SCMH1: variants seen among roughly 807,000 people sequenced by gnomAD.
SCMH1 encodes the protein Scm polycomb group protein homolog 1.
In SCMH1, 37 loss-of-function variants were observed where a neutral mutation model predicts 70.8. That is an observed-to-expected ratio of 0.52 (90% confidence interval 0.40 to 0.69). The LOEUF (loss-of-function observed/expected upper bound fraction) is 0.69. Ranked by LOEUF, SCMH1 falls within the 30% of genes least tolerant of loss-of-function variation. SCMH1 has a pLI of 0.00. For synonymous variants in SCMH1, 292 were observed against 307.4 expected (o/e 0.95, Z 0.52); for missense variants, 607 against 827.3 (o/e 0.73, Z 3.27).
At chr1:41,036,953 C>T (rs1218478924) in intron 13 of SCMH1, among the ~76,000 whole-genome samples, 1 of 152,030 alleles carries the variant, frequency 6.6e-6, no homozygotes, top group Non-Finnish European at 1.5e-5. Context: ...TTCATATTAC[C>T]CAAAGCATAT....
chr1:41,202,969 T>C (rs576017676), intron 1 of SCMH1, among the ~76,000 whole-genome samples: 12 of 151,422 alleles, frequency 7.9e-5, no homozygotes, highest in Admixed American at 2.0e-4. Context: ...ACTAGAAAAA[T>C]ATAAAATTAC....
intron 12 of SCMH1, among the ~76,000 whole-genome samples, chr1:41,038,751 T>C (rs1020037787): frequency 3.3e-5 from 5 of 152,166 alleles, no homozygotes; most frequent in Non-Finnish European, 7.4e-5. Flanking sequence ...CCCACCTCCT[T>C]CTGCAGATGA....
At chr1:41,053,271 C>G (rs1053278154) in intron 10 of SCMH1, among the ~76,000 whole-genome samples, 1 of 151,900 alleles carries the variant, frequency 6.6e-6, no homozygotes, top group Admixed American at 6.6e-5. Context: ...TATAACTAGT[C>G]TGGTGATGAT....
intron 13 of SCMH1, among the ~76,000 whole-genome samples, chr1:41,034,607 A>G (rs2148545384): frequency 6.6e-6 from 1 of 152,234 alleles, no homozygotes; most frequent in South Asian, 2.1e-4. Flanking sequence ...GATTACAGGC[A>G]TAAGCCACCG....
intron 8 of SCMH1, among the ~76,000 whole-genome samples, chr1:41,077,062 T>C (rs751982235): frequency 3.4e-4 from 51 of 152,124 alleles, no homozygotes; most frequent in South Asian, 1.0e-3. Context: ...AGGTAGGAAG[T>C]GATAGTTGTG....
intron 6 of SCMH1, among the ~76,000 whole-genome samples, chr1:41,134,879 T>C (rs1469325534): frequency 6.6e-6 from 1 of 152,220 alleles, no homozygotes; most frequent in Non-Finnish European, 1.5e-5. Context: ...GTTAAGTATA[T>C]AGTACCCATT....
intron 6 of SCMH1, among the ~76,000 whole-genome samples, chr1:41,136,119 T>C (rs1319026504): frequency 6.6e-6 from 1 of 151,518 alleles, no homozygotes; most frequent in African/African-American, 2.4e-5. Flanking sequence ...AATTTTGTTA[T>C]TTTTTTTGCA....
chr1:41,153,548 C>T (rs1442603067), intron 4 of SCMH1, among the ~76,000 whole-genome samples: 3 of 152,116 alleles, frequency 2.0e-5, no homozygotes, highest in Non-Finnish European at 4.4e-5. Flanking sequence ...TTATACATAT[C>T]AACCATGGTA....
intron 1 of SCMH1, among the ~76,000 whole-genome samples, chr1:41,216,403 G>A (rs147573387): frequency 2.0e-5 from 3 of 152,152 alleles, no homozygotes; most frequent in African/African-American, 7.2e-5. Context: ...ATCAATTATG[G>A]GTCAGCTGCC....
intron 10 of SCMH1, among the ~76,000 whole-genome samples, chr1:41,050,505 A>G (rs996411556): frequency 8.5e-5 from 13 of 152,266 alleles, no homozygotes; most frequent in Admixed American, 1.3e-4. Context: ...TTCTAAGGAG[A>G]ACCAACATGG....
chr1:41,106,933 C>A (rs955133009), intron 8 of SCMH1, among the ~76,000 whole-genome samples: 1 of 151,902 alleles, frequency 6.6e-6, no homozygotes, highest in Non-Finnish European at 1.5e-5. Flanking sequence ...TGTGATCCAC[C>A]CGCCTCTGCC....
At chr1:41,120,624 C>T (rs914168423) in intron 6 of SCMH1, among the ~76,000 whole-genome samples, 6 of 152,190 alleles carry the variant, frequency 3.9e-5, no homozygotes, top group Non-Finnish European at 7.3e-5. Context: ...TGATGTGGGA[C>T]TCTATCCCTT....
At chr1:41,187,470 A>C (rs1221761193) in intron 1 of SCMH1, among the ~76,000 whole-genome samples, 1 of 151,844 alleles carries the variant, frequency 6.6e-6, no homozygotes, top group African/African-American at 2.4e-5. Context: ...AAAAAAAAAA[A>C]AAAAAACCCC....
intron 1 of SCMH1, among the ~76,000 whole-genome samples, chr1:41,189,722 T>C (rs771448987): frequency 3.9e-5 from 6 of 152,230 alleles, no homozygotes; most frequent in Non-Finnish European, 8.8e-5. Flanking sequence ...CATCTTTGTG[T>C]ATGCACAGAA....
At chr1:41,145,585 G>A (rs1406369913) in intron 5 of SCMH1, among the ~76,000 whole-genome samples, 2 of 151,996 alleles carry the variant, frequency 1.3e-5, no homozygotes, top group Non-Finnish European at 2.9e-5. Context: ...GTCAATTTCT[G>A]CAAAAAAGGC....
In SCMH1 at chr1:41,113,923, A is replaced by G. The variant is rs1253849592; in HGVS notation, c.502-397T>C. Among the ~76,000 whole-genome samples, 1 of 152,160 alleles carries G rather than the reference A, an allele frequency of 6.6e-6. No individual in the cohort carries two copies. Among genetic ancestry groups the G allele is most frequent in the African/African-American group, 2.4e-5 (1 of 41,432 alleles). On this transcript the variant is annotated intron_variant, in intron 7 of 14. Coordinates refer to ENST00000337495, the Ensembl canonical transcript of SCMH1. The surrounding 1 kb of genome is among the most constrained non-coding windows in gnomAD (Gnocchi z 4.3). ...TTATATAAATGGTATTATACTGTATATATCATTGTACAATTTGCTTTTTGT... is the reference window on the plus strand; with the variant it reads ...TTATATAAATGGTATTATACTGTATGTATCATTGTACAATTTGCTTTTTGT...
At chr1:41,106,796 T>C (rs941099909) in intron 8 of SCMH1, among the ~76,000 whole-genome samples, 2 of 151,782 alleles carry the variant, frequency 1.3e-5, no homozygotes, top group East Asian at 3.9e-4. Context: ...TTCAAGCGAT[T>C]CTCCTGCCTC....
At chr1:41,163,330 C>T (rs1646196016) in intron 2 of SCMH1, among the ~76,000 whole-genome samples, 1 of 152,202 alleles carries the variant, frequency 6.6e-6, no homozygotes, top group Admixed American at 6.5e-5. Flanking sequence ...CACTCCATGC[C>T]TAACTCCAGT....
intron 5 of SCMH1, among the ~76,000 whole-genome samples, chr1:41,148,091 T>C (rs1644746282): frequency 6.6e-6 from 1 of 152,206 alleles, no homozygotes; most frequent in African/African-American, 2.4e-5. Flanking sequence ...TTAGAGTTTA[T>C]AGTACAAACA....
Sources: allele counts gnomAD v4.1 joint callset (sites outside exome capture counted in the v4.1 genomes callset), GRCh38; gene constraint gnomAD v4.1.1; non-coding constraint Gnocchi (gnomAD v3.1); transcripts MANE v1.5; gene names NCBI Gene and HGNC (gene_info 2026-07-23, HGNC 2026-07-21).